The following SLC35F4 variants were observed in gnomAD, a reference collection of about 807,000 sequenced individuals.
SLC35F4 encodes chromosome 14 open reading frame 36.
A neutral mutation model predicts 44.2 loss-of-function variants in SLC35F4; 24 were observed. That is an observed-to-expected ratio of 0.54 (90% CI 0.39 to 0.76). The LOEUF is 0.76. SLC35F4 is among the 30% of genes least tolerant of loss of function. The pLI, the probability that SLC35F4 is intolerant of heterozygous loss-of-function variation, is 0.00. For synonymous variants in SLC35F4, 238 were observed against 223.6 expected (o/e 1.06, Z -0.57); for missense variants, 562 against 586.1 (o/e 0.96, Z 0.42).
chr14:57,713,990 A>T (rs2075874555), intron 1 of SLC35F4, among the ~76,000 whole-genome samples: 1 of 152,160 alleles, frequency 6.6e-6, no homozygotes, highest in Admixed American at 6.5e-5. Context: ...TTCTGCAGAT[A>T]ATTGCTAGGC....
chr14:57,870,189 G>GGTCT (rs59699645), upstream of SLC35F4, among the ~76,000 whole-genome samples: 28,122 of 147,308 alleles, frequency 0.19, 5,801 homozygotes, highest in African/African-American at 0.52. Flanking sequence ...CCTCTCTCTC[G>GGTCT]GTCTGTTTTT....
In SLC35F4 at chr14:57,934,993, AAC is replaced by A. The variant is rs370495511; in HGVS notation, n.282+46918_282+46919del. ...TGAATTACCAACCCCAAACTTCAGA[AAC>A]ACAGTATTCCAGGTGAGCATACAGC... On this transcript the variant is annotated intron_variant and non_coding_transcript_variant, in intron 1 of 1. Transcript: ENST00000556568. Among the ~76,000 whole-genome samples the A allele has an allele frequency of 4.8e-4, 73 of 152,292 alleles. No individual in the cohort carries two copies. The East Asian group carries it at 0.013, about 27-fold the overall frequency.
chr14:57,866,848 T>TC (rs1888175305), upstream of SLC35F4, among the ~76,000 whole-genome samples: 1 of 151,844 alleles, frequency 6.6e-6, no homozygotes, highest in Non-Finnish European at 1.5e-5. Context: ...GCGAACACCC[T>TC]CCCCTCAGGT....
intron 1 of SLC35F4, among the ~76,000 whole-genome samples, chr14:57,704,476 A>G (rs1211837384): frequency 6.6e-6 from 1 of 152,200 alleles, no homozygotes; most frequent in African/African-American, 2.4e-5. Context: ...AAAGATTGGC[A>G]TAAAATGTTA....
At chr14:57,779,501 T>C (rs1430063497) in intron 1 of SLC35F4, among the ~76,000 whole-genome samples, 1 of 151,196 alleles carries the variant, frequency 6.6e-6, no homozygotes, top group Admixed American at 6.6e-5. Flanking sequence ...ATGTACCAGA[T>C]GTACAAAGAA....
intron 1 of SLC35F4, among the ~76,000 whole-genome samples, chr14:57,921,183 G>A (rs914360557): frequency 6.6e-6 from 1 of 152,180 alleles, no homozygotes; most frequent in Non-Finnish European, 1.5e-5. Context: ...TAGCACCCAT[G>A]GCAATGATAG....
At chr14:57,886,165 T>C (rs929673105) in intron 1 of SLC35F4, among the ~76,000 whole-genome samples, 1 of 152,262 alleles carries the variant, frequency 6.6e-6, no homozygotes, top group Non-Finnish European at 1.5e-5. Flanking sequence ...TATTAGGTGC[T>C]TGTATTCATT....
intron 1 of SLC35F4, among the ~76,000 whole-genome samples, chr14:57,666,184 C>G (rs2140251813): frequency 1.3e-5 from 2 of 152,258 alleles, no homozygotes; most frequent in East Asian, 1.9e-4. Flanking sequence ...GAAACTAAGG[C>G]ACCAACAGGG....
At chr14:57,978,904 T>C (rs994403441) in intron 1 of SLC35F4, among the ~76,000 whole-genome samples, 1 of 152,178 alleles carries the variant, frequency 6.6e-6, no homozygotes, top group African/African-American at 2.4e-5. Flanking sequence ...AGATACTGTA[T>C]TGGTGGAAGT....
intron 1 of SLC35F4, among the ~76,000 whole-genome samples, chr14:57,670,767 T>C (rs1419390088): frequency 6.6e-6 from 1 of 151,908 alleles, no homozygotes; most frequent in Non-Finnish European, 1.5e-5. Flanking sequence ...TAGTTGTGCA[T>C]TTCCTTGGTG....
chr14:57,747,551 C>T (rs927142455), intron 1 of SLC35F4, among the ~76,000 whole-genome samples: 1 of 152,122 alleles, frequency 6.6e-6, no homozygotes, highest in East Asian at 1.9e-4. Context: ...CAACAATTGG[C>T]AACCCTTGGG....
chr14:57,589,071 T>A, intron 3 of SLC35F4, 145 bp downstream of exon 3: 2 of 803,330 alleles, frequency 2.5e-6, no homozygotes, highest in Non-Finnish European at 3.9e-6. Flanking sequence ...GGACTGATTC[T>A]GCTTCTAGTG....
intron 1 of SLC35F4, among the ~76,000 whole-genome samples, chr14:57,978,944 G>GT (rs1023656867): frequency 6.6e-6 from 1 of 152,176 alleles, no homozygotes; most frequent in African/African-American, 2.4e-5. Flanking sequence ...AAAGAGCAAG[G>GT]TTGCTACCAT....
chr14:57,912,549 G>A (rs1012022870), intron 1 of SLC35F4, among the ~76,000 whole-genome samples: 1 of 151,898 alleles, frequency 6.6e-6, no homozygotes, highest in African/African-American at 2.4e-5. Context: ...GAAGTATGAT[G>A]TTTAACCTCT....
chr14:57,937,869 T>G (rs111339219), intron 1 of SLC35F4, among the ~76,000 whole-genome samples: 2 of 152,182 alleles, frequency 1.3e-5, no homozygotes, highest in African/African-American at 4.8e-5. Flanking sequence ...TTATGCAGCA[T>G]CAAGTCACAT....
chr14:57,923,639 C>T (rs536677839), intron 1 of SLC35F4, among the ~76,000 whole-genome samples: 1 of 152,344 alleles, frequency 6.6e-6, no homozygotes, highest in East Asian at 1.9e-4. Context: ...CTTCTCAATG[C>T]TTTTATTTCC....
chr14:57,964,991 A>ATATATATATATATAT (rs1279192848), intron 1 of SLC35F4, among the ~76,000 whole-genome samples: 125 of 115,606 alleles, frequency 1.1e-3, no homozygotes, highest in African/African-American at 4.5e-3. Context: ...AAAAAAAAAA[A>ATATATATATATATAT]ATATATATAT....
chr14:57,853,484 G>A (rs976426159), intron 1 of SLC35F4, among the ~76,000 whole-genome samples: 15 of 152,126 alleles, frequency 9.9e-5, no homozygotes, highest in Non-Finnish European at 8.8e-5. Flanking sequence ...ACAGGAGAGG[G>A]CCTCTGGCAG....
intron 1 of SLC35F4, among the ~76,000 whole-genome samples, chr14:57,836,185 C>T (rs947937270): frequency 3.3e-5 from 5 of 152,182 alleles, no homozygotes; most frequent in Non-Finnish European, 7.3e-5. Context: ...GACTTACCTA[C>T]ATACCACCCA....
Sources: gnomAD v4.1 joint callset for allele counts (sites outside exome capture counted in the v4.1 genomes callset) on GRCh38, gnomAD v4.1.1 for gene constraint, MANE v1.5 for transcripts, NCBI Gene and HGNC (gene_info 2026-07-23, HGNC 2026-07-21) for gene names.